Variants in DPYD observed in about 807,000 individuals in gnomAD.
DPYD encodes dihydropyrimidine dehydrogenase [NADP(+)].
A neutral mutation model predicts 116.2 loss-of-function variants in DPYD; 109 were observed. That is an observed-to-expected ratio of 0.94 (90% CI 0.80 to 1.10). DPYD has a LOEUF of 1.10. DPYD is among the 50% of genes least tolerant of loss of function. The pLI, the probability that DPYD is intolerant of heterozygous loss-of-function variation, is 0.00. For synonymous variants in DPYD, 440 were observed against 432.0 expected, an observed-to-expected ratio of 1.02 and a Z score of -0.23; for missense variants, 1,302 against 1,254.5, an observed-to-expected ratio of 1.04 and a Z score of -0.57.
intron 11 of DPYD, among the ~76,000 whole-genome samples, chr1:97,570,834 C>G (rs140763051): frequency 6.6e-6 from 1 of 151,806 alleles, no homozygotes; most frequent in Non-Finnish European, 1.5e-5. Flanking sequence ...AAAGCCCATG[C>G]AATGACTCGC....
At chr1:97,525,585 A>G (rs947142195) in intron 12 of DPYD, among the ~76,000 whole-genome samples, 5 of 152,154 alleles carry the variant, frequency 3.3e-5, no homozygotes, top group African/African-American at 1.2e-4. Context: ...GTTTCCAGTA[A>G]GGTGATAATC....
intron 3 of DPYD, among the ~76,000 whole-genome samples, chr1:97,770,912 T>C (rs1666106837): frequency 6.6e-6 from 1 of 152,210 alleles, no homozygotes; most frequent in African/African-American, 2.4e-5. Flanking sequence ...TATAAACTAG[T>C]CATTGTGAAA....
At chr1:97,391,279 C>T (rs1206620548) in intron 14 of DPYD, among the ~76,000 whole-genome samples, 1 of 151,966 alleles carries the variant, frequency 6.6e-6, no homozygotes, top group African/African-American at 2.4e-5. Context: ...ATACGACTAC[C>T]CGTTAGCACT....
intron 11 of DPYD, among the ~76,000 whole-genome samples, chr1:97,567,564 T>C (rs1652609150): frequency 6.6e-6 from 1 of 152,148 alleles, no homozygotes; most frequent in Non-Finnish European, 1.5e-5. Flanking sequence ...AGTCACCTTG[T>C]CTCCGCTCTA....
At chr1:97,772,053 A>C (rs1480380645) in intron 3 of DPYD, among the ~76,000 whole-genome samples, 3 of 152,190 alleles carry the variant, frequency 2.0e-5, no homozygotes. Flanking sequence ...ATAAAAGATA[A>C]ATCTTTATTT....
intron 18 of DPYD, among the ~76,000 whole-genome samples, chr1:97,276,475 C>G (rs1664933334): frequency 6.6e-6 from 1 of 151,812 alleles, no homozygotes; most frequent in Non-Finnish European, 1.5e-5. Flanking sequence ...ATAAATAACT[C>G]CATTAAAAAG....
Position 97,780,934 on chromosome 1 carries a change from T to C in DPYD, c.234-40455A>G, listed in dbSNP as rs113997680. 5.6e-3 allele frequency among the ~76,000 whole-genome samples: 859 copies of C among 152,290 alleles called. 10 individuals carry two copies. The highest frequency in any genetic ancestry group is 0.019 in the African/African-American group (807 of 41,552). ...CAGCAAGGTAAAGACAATGAAAATA[T>C]GAACGTATCTTTAACATAACAGCAG... On this transcript the variant is annotated intron_variant, in intron 3 of 22. Coordinates refer to ENST00000370192, the MANE Select transcript of DPYD (RefSeq NM_000110.4).
At chr1:97,839,660 T>A (rs1350227876) in intron 2 of DPYD, among the ~76,000 whole-genome samples, 1 of 152,246 alleles carries the variant, frequency 6.6e-6, no homozygotes, top group Admixed American at 6.5e-5. Flanking sequence ...CTGTTAGGAA[T>A]AATGCTATAA....
At chr1:97,855,675 T>C (rs1670800350) in intron 2 of DPYD, 4 of 152,186 alleles carry the variant, frequency 2.6e-5, no homozygotes, top group Admixed American at 2.6e-4. Flanking sequence ...CGAAACACAA[T>C]TCACGTAGCT....
At chr1:97,302,731 T>C (rs947588171) in intron 18 of DPYD, among the ~76,000 whole-genome samples, 1 of 152,026 alleles carries the variant, frequency 6.6e-6, no homozygotes, top group Non-Finnish European at 1.5e-5. Context: ...TAAGTGTATA[T>C]TATGTGTATA....
At chr1:97,585,294 G>A (rs1654015393) in intron 10 of DPYD, among the ~76,000 whole-genome samples, 1 of 152,082 alleles carries the variant, frequency 6.6e-6, no homozygotes, top group African/African-American at 2.4e-5. Flanking sequence ...AGCATAAAAA[G>A]CCCACAGAAA....
chr1:97,506,403 T>G (rs1464953400), intron 13 of DPYD, among the ~76,000 whole-genome samples: 1 of 151,982 alleles, frequency 6.6e-6, no homozygotes, highest in Non-Finnish European at 1.5e-5. Flanking sequence ...TGGTTAAATT[T>G]AAAATTCACA....
At chr1:97,872,388 AG>A (rs151065389) in intron 2 of DPYD, among the ~76,000 whole-genome samples, 2,313 of 152,112 alleles carry the variant, frequency 0.015, 56 homozygotes, top group African/African-American at 0.053. Flanking sequence ...ACAAAATAAA[AG>A]TAACAAGGCT....
chr1:97,512,177 T>C (rs1475534223), intron 13 of DPYD, among the ~76,000 whole-genome samples: 1 of 151,892 alleles, frequency 6.6e-6, no homozygotes, highest in Non-Finnish European at 1.5e-5. Context: ...ACATTAAGCT[T>C]TGTGCTATGG....
intron 5 of DPYD, among the ~76,000 whole-genome samples, chr1:97,706,242 G>A (rs1310362009): frequency 6.6e-6 from 1 of 151,842 alleles, no homozygotes; most frequent in Non-Finnish European, 1.5e-5. Flanking sequence ...TACAAACCAA[G>A]AATTGTTCAT....
intron 5 of DPYD, chr1:97,720,344 C>G: frequency 1.0e-6 from 1 of 985,458 alleles, no homozygotes. Flanking sequence ...GGCAATGGGT[C>G]CCCAAAGAAA....
intron 12 of DPYD, among the ~76,000 whole-genome samples, chr1:97,535,732 A>G (rs1305097425): frequency 6.6e-6 from 1 of 152,158 alleles, no homozygotes; most frequent in East Asian, 1.9e-4. Context: ...ATCACCAACT[A>G]GACAGTTTTG....
Position 97,726,243 on chromosome 1 carries a change from GTTCT to G in DPYD, c.322-4576_322-4573del, listed in dbSNP as rs1322061118. 2.0e-5 allele frequency among the ~76,000 whole-genome samples: 3 copies of G among 151,434 alleles called. No individual in the cohort carries two copies. The East Asian group carries it at 5.8e-4, about 29-fold the overall frequency. Reference sequence around the variant, plus strand: ...GAATAAATACAGAAGTGAGCCAATGGTTCTTTCTCCTAGAAAACTAAATAGTACT... The same window carrying G: ...GAATAAATACAGAAGTGAGCCAATGGTTCTCCTAGAAAACTAAATAGTACT... On this transcript the variant is annotated intron_variant, in intron 4 of 22. Coordinates refer to ENST00000370192, the MANE Select transcript of DPYD (RefSeq NM_000110.4).
intron 12 of DPYD, among the ~76,000 whole-genome samples, chr1:97,539,105 T>C (rs937298472): frequency 6.6e-6 from 1 of 152,098 alleles, no homozygotes; most frequent in South Asian, 2.1e-4. Context: ...AATGAAAAAA[T>C]TAACTTTTTG....
Sources: allele counts gnomAD v4.1 joint callset (sites outside exome capture counted in the v4.1 genomes callset), GRCh38; gene constraint gnomAD v4.1.1; transcripts MANE v1.5; gene names NCBI Gene and HGNC (gene_info 2026-07-23, HGNC 2026-07-21).